SIX5: variants seen among roughly 807,000 people sequenced by gnomAD.
The protein encoded by SIX5 is SIX homeobox 5.
Under a neutral mutation model 37.1 loss-of-function variants are expected in SIX5, and 21 were observed. That is an observed-to-expected ratio of 0.57 (90% CI 0.40 to 0.81). The LOEUF is 0.81. SIX5 is among the 40% of genes least tolerant of loss of function. SIX5 has a pLI of 0.00. For missense variants in SIX5, 1,137 were observed against 1,025.1 expected, an observed-to-expected ratio of 1.11 and a Z score of -1.49; for synonymous variants, 626 against 505.9, an observed-to-expected ratio of 1.24 and a Z score of -3.19.
At chr19:45,767,202 C>T in intron 1 of SIX5, 47 bp from the exon 2 acceptor site, 1 of 1,579,760 alleles carries the variant, frequency 6.3e-7, no homozygotes, top group Non-Finnish European at 8.6e-7. Context: ...GCCTGTGGGG[C>T]CTCCCGCATA....
chr19:45,766,252 G>A, intron 2 of SIX5, 98 bp downstream of exon 2: 7 of 1,494,536 alleles, frequency 4.7e-6, no homozygotes, highest in Middle Eastern at 4.7e-4. Context: ...CCAGGGATGA[G>A]ATGCCCTCCA....
At position 45,768,986 on chromosome 19, in the gene SIX5, C is replaced by A. The variant is rs553583510; in HGVS notation, c.-142G>T. ...TTCTGGCCGACCCTGCGCCCCACGC[C>A]GGGAAGGCGAGATCCAGCTCTCCAC... is the stretch of plus-strand genomic sequence containing the variant. On this transcript the variant is annotated 5_prime_UTR_variant, in exon 1 of 3. Coordinates refer to ENST00000317578, the MANE Select transcript of SIX5 (RefSeq NM_175875.5). 633 of 803,882 alleles carry A rather than the reference C, an allele frequency of 7.9e-4. 2 individuals carry two copies. In the African/African-American group the frequency reaches 9.5e-3, roughly 12 times the overall value. The allele number at this position is 803,882 out of a possible 1,614,324, so 49.8% of individuals were successfully genotyped here.
In SIX5 at chr19:45,766,518, T is replaced by C. The variant is rs1969077614; in HGVS notation, c.1441A>G (p.Thr481Ala). The C allele has an allele frequency of 3.3e-6, 5 of 1,502,920 alleles. No homozygotes were observed. Among genetic ancestry groups the C allele is most frequent in the Non-Finnish European group, 2.7e-6 (3 of 1,119,086 alleles). 93.1% of individuals were successfully genotyped at this position (1,502,920 alleles called of 1,614,324 possible). A position where few individuals can be genotyped will look rare whatever the true frequency, so the allele number is the denominator to read the frequency against. ...TGGGGCAGGGTCACCACCTGTGAGG[T>C]GGGTACTACCTGGGGCAGGTTCAAT... ...PLLNLPQVVP[T>A]SQVVTLPQAV... The change falls in exon 2 of 3, where the codon ACC (threonine) becomes GCC (alanine). Residue 481 changes from threonine (T) to alanine (A), a missense_variant. Physicochemically the swap from Thr to Ala is moderately conservative, Grantham distance 58. Coordinates refer to ENST00000317578, the MANE Select transcript of SIX5 (RefSeq NM_175875.5).
Position 45,766,579 on chromosome 19 carries a change from C to CG in SIX5, c.1379dup (p.Tyr462ValfsTer136). 5 of 1,471,814 alleles carry CG rather than the reference C, an allele frequency of 3.4e-6. No individual in the cohort carries two copies. Among genetic ancestry groups the CG allele is most frequent in the South Asian group, 2.8e-5 (2 of 72,454 alleles). The allele number at this position is 1,471,814 out of a possible 1,614,324, so 91.2% of individuals were successfully genotyped here. A position where few individuals can be genotyped will look rare whatever the true frequency, so the allele number is the denominator to read the frequency against. ...TGGGGCTCAGGCCCGTGGGATACCC[C>CG]GGGGGTGGGGAGAGCGGTACCACTT... On this transcript the variant is annotated frameshift_variant, in exon 2 of 3. Coordinates refer to ENST00000317578, the MANE Select transcript of SIX5 (RefSeq NM_175875.5). LOFTEE classifies it high-confidence loss of function.
chr19:45,768,761 C>T lies in SIX5; in HGVS notation c.84G>A (p.Glu28=). The change falls in exon 1 of 3, where the codon GAG becomes GAA. Residue 28 remains glutamate, a synonymous_variant. Transcript: ENST00000317578. ...AVAAAAATEE[E]EEEARQLLQT... ...GCAAGAGCTGGCGCGCTTCCTCCTC[C>T]TCCTCTTCGGTCGCCGCCGCCGCCG... is the stretch of plus-strand genomic sequence containing the variant. 2 of 1,527,362 alleles carry T rather than the reference C, an allele frequency of 1.3e-6. No homozygotes were observed. Among genetic ancestry groups the T allele is most frequent in the Non-Finnish European group, 1.7e-6 (2 of 1,143,250 alleles). 94.6% of individuals were successfully genotyped at this position (1,527,362 alleles called of 1,614,324 possible).
chr19:45,768,294 T>C lies in SIX5; in HGVS notation c.551A>G (p.Asp184Gly). The change falls in exon 1 of 3, where the codon GAC becomes GGC. Residue 184 changes from aspartate to glycine, a missense_variant. Asp to Gly is a moderately conservative substitution (Grantham distance 94). This residue lies in a region of SIX5 where 331 missense variants were observed against 360.9 expected (regional missense o/e 0.92). Coordinates refer to ENST00000317578, the MANE Select transcript of SIX5 (RefSeq NM_175875.5). ...RARGRALGAV[D>G]KYRLRKKFPL... is the part of the protein sequence containing the mutation. ...GAACTTCTTGCGCAGTCGATACTTG[T>C]CCACTGCGCCAAGCGCGCGGCCGCG... The C allele has an allele frequency of 6.2e-7, 1 of 1,611,748 alleles. No homozygotes were observed. Among genetic ancestry groups the C allele is most frequent in the Non-Finnish European group, 8.5e-7 (1 of 1,179,294 alleles).
At position 45,765,108 on chromosome 19, in the gene SIX5, G is replaced by A; in HGVS notation, c.*393C>T. 3.5e-6 allele frequency: 1 copy of A among 283,286 alleles called. No homozygotes were observed. The highest frequency in any genetic ancestry group is 6.9e-6 in the Non-Finnish European group (1 of 144,174). The allele number at this position is 283,286 out of a possible 1,614,324, so 17.5% of individuals were successfully genotyped here. A position where few individuals can be genotyped will look rare whatever the true frequency, so the allele number is the denominator to read the frequency against. ...GCAGTTGTGACAACACCAGCTATCG[G>A]CAGAGCTATTAATAGTGTTTCAGGG... On this transcript the variant is annotated 3_prime_UTR_variant, in exon 3 of 3. Transcript: ENST00000317578.
intron 1 of SIX5, 85 bp from the exon 2 acceptor site, chr19:45,767,240 C>A: frequency 7.0e-7 from 1 of 1,425,900 alleles, no homozygotes; most frequent in East Asian, 2.5e-5. Flanking sequence ...CCACCTTTCC[C>A]TGGCCCAAGT....
In SIX5 at chr19:45,766,579, C is replaced by CGG; in HGVS notation, c.1378_1379dup (p.Gly461ArgfsTer7). ...TGGGGCTCAGGCCCGTGGGATACCC[C>CGG]GGGGGTGGGGAGAGCGGTACCACTT... On this transcript the variant is annotated frameshift_variant, in exon 2 of 3. Coordinates refer to ENST00000317578, the MANE Select transcript of SIX5 (RefSeq NM_175875.5). LOFTEE classifies it high-confidence loss of function. The CGG allele has an allele frequency of 4.1e-6, 6 of 1,471,814 alleles. No individual in the cohort carries two copies. The highest frequency in any genetic ancestry group is 5.4e-6 in the Non-Finnish European group (6 of 1,106,020). The allele number at this position is 1,471,814 out of a possible 1,614,324, so 91.2% of individuals were successfully genotyped here. A position where few individuals can be genotyped will look rare whatever the true frequency, so the allele number is the denominator to read the frequency against.
At chr19:45,767,814 G>A (rs923806422) in intron 1 of SIX5, 6 of 582,372 alleles carry the variant, frequency 1.0e-5, no homozygotes, top group Admixed American at 6.2e-5. Context: ...AAGGAGCTCG[G>A]AATGGAGCCG....
rs1444936221 is a variant in SIX5 at position 45,767,014 on chromosome 19, G to C, written c.945C>G (p.Cys315Trp). ...FLAGTGPPAP[C>W]PASSSILVNG... ...TCACCAGGATGGAGGAGGAAGCCGG[G>C]CAAGGCGCGGGAGGGCCGGTCCCTG... The change falls in exon 2 of 3, where the codon TGC becomes TGG. Residue 315 changes from cysteine to tryptophan, a missense_variant. Cys to Trp is a radical substitution (Grantham distance 215). Around this residue, in one of 3 missense-constraint regions of SIX5, gnomAD observed 787 missense variants for 621.4 expected, o/e 1.27. Coordinates refer to ENST00000317578, the MANE Select transcript of SIX5 (RefSeq NM_175875.5). 2 of 1,607,476 alleles carry C rather than the reference G, an allele frequency of 1.2e-6. No individual in the cohort carries two copies. The highest frequency in any genetic ancestry group is 3.4e-5 in the Admixed American group (2 of 59,656).
rs748122958 is a variant in SIX5, at chr19:45,765,498, G to A, written c.*3C>T. The A allele has an allele frequency of 1.1e-5, 17 of 1,613,228 alleles. No individual in the cohort carries two copies. Among genetic ancestry groups the A allele is most frequent in the Admixed American group, 5.0e-5 (3 of 60,012 alleles). On this transcript the variant is annotated 3_prime_UTR_variant, in exon 3 of 3. Transcript: ENST00000317578. ...TCGGGAGAGGCCACGGGGCCACACT[G>A]GGTCACAGTTCCAAGGGCTCCTCCA...
rs569568887 is a variant in SIX5 at position 45,766,579 on chromosome 19, C to T, written c.1380G>A (p.Pro460=). The change falls in exon 2 of 3, where the codon CCG becomes CCA. Residue 460 remains proline (P), a synonymous_variant. Coordinates refer to ENST00000317578, the MANE Select transcript of SIX5 (RefSeq NM_175875.5). ...TGGGGCTCAGGCCCGTGGGATACCCCGGGGGTGGGGAGAGCGGTACCACTT... is the reference window on the plus strand; with the variant it reads ...TGGGGCTCAGGCCCGTGGGATACCCTGGGGGTGGGGAGAGCGGTACCACTT... ...APQVVPLSPP[P]GYPTGLSPTS... is the part of the protein sequence containing the mutation. 99 of 1,471,814 alleles carry T rather than the reference C, an allele frequency of 6.7e-5. No individual in the cohort carries two copies. The African/African-American group carries it at 9.6e-4, about 14-fold the overall frequency. The allele number at this position is 1,471,814 out of a possible 1,614,324, so 91.2% of individuals were successfully genotyped here. A position where few individuals can be genotyped will look rare whatever the true frequency, so the allele number is the denominator to read the frequency against.
Position 45,765,372 on chromosome 19 carries a change from G to C in SIX5, c.*129C>G. On this transcript the variant is annotated 3_prime_UTR_variant, in exon 3 of 3. Transcript: ENST00000317578. Reference sequence around the variant, plus strand: ...ACCCCCAGCACCACCAGGGCTTGGAGAGGCCACCCAGGCAGAAGGATGTGG... The same window carrying C: ...ACCCCCAGCACCACCAGGGCTTGGACAGGCCACCCAGGCAGAAGGATGTGG... 1 of 1,375,520 alleles carries C rather than the reference G, an allele frequency of 7.3e-7. No individual in the cohort carries two copies. The highest frequency in any genetic ancestry group is 1.4e-5 in the African/African-American group (1 of 70,278). 85.2% of individuals were successfully genotyped at this position (1,375,520 alleles called of 1,614,324 possible). A position where few individuals can be genotyped will look rare whatever the true frequency, so the allele number is the denominator to read the frequency against.
rs1568563759 is a variant in SIX5 at position 45,765,969 on chromosome 19, G to A, written c.1752C>T (p.Ala584=). The A allele has an allele frequency of 1.9e-6, 3 of 1,596,112 alleles. No individual in the cohort carries two copies. The highest frequency in any genetic ancestry group is 1.1e-5 in the South Asian group (1 of 88,568). ...SQVLPPAPGL[A]LPLKPETAIS... ...TGGCCGTCTCTGGCTTCAGTGGCAG[G>A]GCCAGGCCGGGGGCTGGCGGCAGGA... Residue 584 remains alanine (A), a synonymous_variant, in exon 3 of 3, where the codon GCC becomes GCT. Coordinates refer to ENST00000317578, the MANE Select transcript of SIX5 (RefSeq NM_175875.5).
Position 45,768,998 on chromosome 19 carries a change from A to C in SIX5, c.-154T>G. 1 of 697,068 alleles carries C rather than the reference A, an allele frequency of 1.4e-6. No individual in the cohort carries two copies. Among genetic ancestry groups the C allele is most frequent in the South Asian group, 1.9e-5 (1 of 53,456 alleles). The allele number at this position is 697,068 out of a possible 1,614,324, so 43.2% of individuals were successfully genotyped here. A position where few individuals can be genotyped will look rare whatever the true frequency, so the allele number is the denominator to read the frequency against. ...CTGCGCCCCACGCCGGGAAGGCGAG[A>C]TCCAGCTCTCCACTCGGGTCTCTGT... On this transcript the variant is annotated 5_prime_UTR_variant, in exon 1 of 3. Coordinates refer to ENST00000317578, the MANE Select transcript of SIX5 (RefSeq NM_175875.5).
chr19:45,767,173 T>A lies in SIX5; in HGVS notation c.804-18A>T. The A allele has an allele frequency of 6.2e-7, 1 of 1,609,074 alleles. No homozygotes were observed. The highest frequency in any genetic ancestry group is 2.2e-5 in the East Asian group (1 of 44,698). The stretch of plus-strand genomic sequence containing the variant: ...CAGACTCGCTGGCCGGAGAAATGGC[T>A]GTCAGCTGGGGTCCCTTAGCCTGTG... On this transcript the variant is annotated intron_variant, in intron 1 of 2. Coordinates refer to ENST00000317578, the MANE Select transcript of SIX5 (RefSeq NM_175875.5).
At position 45,768,622 on chromosome 19, in the gene SIX5, CG is replaced by C. The variant is rs1413571596; in HGVS notation, c.222del (p.Glu75ArgfsTer33). ...CCCGTGGGCGGTTCGGAAGCGGCCT[CG>C]GGGGGCGACCCGGGGACGCCCGGGG... ...PGSPGVPGSPPEAASEPPTGL... is the reference protein window; with the variant it reads ...PGSPGVPGSPXEAASEPPTGL... On this transcript the variant is annotated frameshift_variant, in exon 1 of 3. Coordinates refer to ENST00000317578, the MANE Select transcript of SIX5 (RefSeq NM_175875.5). LOFTEE classifies it high-confidence loss of function. 1 of 1,199,902 alleles carries C rather than the reference CG, an allele frequency of 8.3e-7. No individual in the cohort carries two copies. The highest frequency in any genetic ancestry group is 1.0e-6 in the Non-Finnish European group (1 of 970,496). 74.3% of individuals were successfully genotyped at this position (1,199,902 alleles called of 1,614,324 possible).
rs763403236 is a variant in SIX5 at position 45,766,936 on chromosome 19, G to GC, written c.1022dup (p.Val343ArgfsTer62). The GC allele has an allele frequency of 6.4e-7, 1 of 1,570,586 alleles. No individual in the cohort carries two copies. The highest frequency in any genetic ancestry group is 1.2e-5 in the South Asian group (1 of 86,350). On this transcript the variant is annotated frameshift_variant, in exon 2 of 3. Coordinates refer to ENST00000317578, the MANE Select transcript of SIX5 (RefSeq NM_175875.5). LOFTEE classifies it high-confidence loss of function. Reference sequence around the variant, plus strand: ...GGGCCAGGCCGTTGATGATGACGGGGCCCCCGTTGAGGAGCACTGCTGGGG... The same window carrying GC: ...GGGCCAGGCCGTTGATGATGACGGGGCCCCCCGTTGAGGAGCACTGCTGGGG...
Sources: allele counts gnomAD v4.1 joint callset, GRCh38; gene constraint gnomAD v4.1.1; regional missense constraint gnomAD v4.1.1; transcripts MANE v1.5; gene names NCBI Gene and HGNC (gene_info 2026-07-23, HGNC 2026-07-21).